Variants in NRG1 observed in about 807,000 individuals in gnomAD.
NRG1 encodes pro-neuregulin-1, membrane-bound isoform.
A neutral mutation model predicts 63.8 loss-of-function variants in NRG1; 18 were observed. The ratio of observed to expected loss-of-function variants is 0.28; its 90% CI spans 0.19 to 0.42. NRG1 has a LOEUF of 0.42. Ranked by LOEUF, NRG1 falls within the 10% of genes least tolerant of loss-of-function variation. NRG1 has a pLI of 1.00. For synonymous variants in NRG1, 302 were observed against 301.3 expected, an observed-to-expected ratio of 1.00 and a Z score of -0.02; for missense variants, 762 against 814.7, an observed-to-expected ratio of 0.94 and a Z score of 0.79.
chr8:31,937,055 A>C (rs995484846), intron 1 of NRG1, among the ~76,000 whole-genome samples: 2 of 152,214 alleles, frequency 1.3e-5, no homozygotes, highest in Non-Finnish European at 2.9e-5. Context: ...TTTCATTGCC[A>C]ACATCTCATA....
intron 1 of NRG1, among the ~76,000 whole-genome samples, chr8:32,150,501 G>C (rs369059453): frequency 2.0e-4 from 31 of 152,314 alleles, no homozygotes; most frequent in African/African-American, 6.3e-4. Flanking sequence ...AGGGCCTCTT[G>C]CCCTTCTGCT....
intron 3 of NRG1, among the ~76,000 whole-genome samples, chr8:32,609,340 G>C (rs921821071): frequency 1.3e-5 from 2 of 152,018 alleles, no homozygotes; most frequent in Admixed American, 1.3e-4. Context: ...TGAGCTCTCC[G>C]GGGCTTAGAT....
At chr8:31,814,964 C>T (rs1823290576) in intron 1 of NRG1, among the ~76,000 whole-genome samples, 1 of 151,952 alleles carries the variant, frequency 6.6e-6, no homozygotes, top group African/African-American at 2.4e-5. Flanking sequence ...GATTCTTATT[C>T]TAACATCTGC....
intron 1 of NRG1, among the ~76,000 whole-genome samples, chr8:32,070,117 A>G (rs910785105): frequency 6.6e-6 from 1 of 152,148 alleles, no homozygotes; most frequent in Non-Finnish European, 1.5e-5. Context: ...AATTACATGT[A>G]TTTAAGTATG....
chr8:31,991,484 C>T (rs1049083426), intron 1 of NRG1, among the ~76,000 whole-genome samples: 3 of 151,852 alleles, frequency 2.0e-5, no homozygotes, highest in Admixed American at 6.6e-5. Context: ...CAAGCACTGT[C>T]TGGGGTCTTC....
chr8:32,354,712 G>GTAAA (rs10569340), intron 1 of NRG1, among the ~76,000 whole-genome samples: 16,055 of 142,222 alleles, frequency 0.11, 1,267 homozygotes, highest in East Asian at 0.43. Context: ...CTTGTCTCTA[G>GTAAA]TAAATAAATA....
chr8:32,273,936 A>G (rs1851813416), intron 1 of NRG1, among the ~76,000 whole-genome samples: 1 of 152,234 alleles, frequency 6.6e-6, no homozygotes, highest in African/African-American at 2.4e-5. Context: ...CATAATTGAT[A>G]GTTTTATGCA....
intron 1 of NRG1, among the ~76,000 whole-genome samples, chr8:31,895,698 G>A (rs1463014533): frequency 6.6e-6 from 1 of 152,092 alleles, no homozygotes; most frequent in Non-Finnish European, 1.5e-5. Context: ...TGGGCCAGAG[G>A]CAGCAAGATC....
chr8:32,433,671 C>T (rs983252014), intron 1 of NRG1, among the ~76,000 whole-genome samples: 14 of 151,900 alleles, frequency 9.2e-5, no homozygotes, highest in Non-Finnish European at 1.9e-4. Flanking sequence ...TTTCGGTGCC[C>T]GGCAACACAG....
intron 1 of NRG1, among the ~76,000 whole-genome samples, chr8:31,928,122 G>C (rs1834544469): frequency 6.6e-6 from 1 of 151,464 alleles, no homozygotes; most frequent in African/African-American, 2.4e-5. Context: ...GAGTTAGCAG[G>C]ATATGGTTGT....
In NRG1 at chr8:32,610,950, T is replaced by C. The variant is rs552408029; in HGVS notation, c.401-3564T>C. Among the ~76,000 whole-genome samples the C allele has an allele frequency of 2.0e-5, 3 of 152,236 alleles. 1 individual carries two copies. In the South Asian group the frequency reaches 6.2e-4, roughly 32 times the overall value. On this transcript the variant is annotated intron_variant, in intron 3 of 11. Coordinates refer to ENST00000356819, the Ensembl canonical transcript of NRG1. ...ACCCTACACACTATATGTTCATTTG[T>C]ATTTGTGGTTTATTTGGCTCAGTCT...
intron 1 of NRG1, among the ~76,000 whole-genome samples, chr8:32,561,519 T>C (rs1836391387): frequency 6.9e-6 from 1 of 144,146 alleles, no homozygotes; most frequent in Admixed American, 7.5e-5. Context: ...GCCTCAGCGC[T>C]CTTAAACTTT....
chr8:31,826,650 G>C (rs1179302680), intron 1 of NRG1, among the ~76,000 whole-genome samples: 1 of 152,186 alleles, frequency 6.6e-6, no homozygotes, highest in Non-Finnish European at 1.5e-5. Context: ...ACATCACTGG[G>C]TGGGTGGAGT....
chr8:32,074,478 A>G (rs906734651), intron 1 of NRG1, among the ~76,000 whole-genome samples: 10 of 152,194 alleles, frequency 6.6e-5, no homozygotes, highest in African/African-American at 9.6e-5. Flanking sequence ...AAGTGGCCCA[A>G]TGAAAGTTGT....
chr8:32,417,429 G>A (rs1272969511), intron 1 of NRG1, among the ~76,000 whole-genome samples: 1 of 151,930 alleles, frequency 6.6e-6, no homozygotes, highest in Non-Finnish European at 1.5e-5. Context: ...CTTTCTTGAG[G>A]GTTCTAATTC....
intron 1 of NRG1, among the ~76,000 whole-genome samples, chr8:32,098,309 G>A (rs1178599538): frequency 1.3e-5 from 2 of 152,170 alleles, no homozygotes; most frequent in Admixed American, 6.5e-5. Context: ...ACACACTCTG[G>A]CCAAAGGAAC....
chr8:31,860,446 C>A (rs556841464), intron 1 of NRG1, among the ~76,000 whole-genome samples: 3 of 152,266 alleles, frequency 2.0e-5, no homozygotes, highest in African/African-American at 7.2e-5. Context: ...AAGTATAAAT[C>A]TGTACCTAAT....
At chr8:32,337,654 A>G (rs967524472) in intron 1 of NRG1, among the ~76,000 whole-genome samples, 2 of 22,664 alleles carry the variant, frequency 8.8e-5, no homozygotes, top group African/African-American at 3.8e-4. Context: ...GAGTTATTGC[A>G]AAAAAAAAAA....
intron 1 of NRG1, among the ~76,000 whole-genome samples, chr8:32,202,887 G>A (rs1382384406): frequency 6.6e-6 from 1 of 151,404 alleles, no homozygotes; most frequent in East Asian, 2.0e-4. Context: ...GGGTCAAAAG[G>A]CAACATTTGG....
Sources: gnomAD v4.1 joint callset for allele counts (sites outside exome capture counted in the v4.1 genomes callset) on GRCh38, gnomAD v4.1.1 for gene constraint, MANE v1.5 for transcripts, NCBI Gene and HGNC (gene_info 2026-07-23, HGNC 2026-07-21) for gene names.